PLXNA2: variants seen among roughly 807,000 people sequenced by gnomAD.
The protein encoded by PLXNA2 is plexin-A2.
A neutral mutation model predicts 193.5 loss-of-function variants in PLXNA2; 91 were observed. The ratio of observed to expected loss-of-function variants is 0.47; its 90% CI spans 0.40 to 0.56. The LOEUF (loss-of-function observed/expected upper bound fraction) is 0.56, where lower values mean the gene tolerates loss of function less well. Ranked by LOEUF, PLXNA2 falls within the 20% of genes least tolerant of loss-of-function variation. PLXNA2 has a pLI of 0.00. For synonymous variants in PLXNA2, 997 were observed against 1,027.3 expected (o/e 0.97, Z 0.56); for missense variants, 1,995 against 2,503.2 (o/e 0.80, Z 4.33).
At chr1:208,116,777 T>G (rs374849108) in intron 4 of PLXNA2, among the ~76,000 whole-genome samples, 8 of 152,304 alleles carry the variant, frequency 5.3e-5, no homozygotes, top group African/African-American at 1.9e-4. Flanking sequence ...TAAGGTAAAG[T>G]GCAGACTGCC....
intron 3 of PLXNA2, among the ~76,000 whole-genome samples, chr1:208,186,495 C>T (rs1299289840): frequency 6.6e-6 from 1 of 152,144 alleles, no homozygotes; most frequent in African/African-American, 2.4e-5. Flanking sequence ...TGTATTCTCT[C>T]TTTTTAAAGT....
rs189487684 is a variant in PLXNA2, at chr1:208,073,932, T to C, written c.2586+5328A>G. ...TGGAACAGATTCCCCCTCACAGCGC[T>C]CAGAAGGAACCCACGCTGCTGACAC... On this transcript the variant is annotated intron_variant, in intron 12 of 31. Coordinates refer to ENST00000367033, the MANE Select transcript of PLXNA2 (RefSeq NM_025179.4). Among the ~76,000 whole-genome samples, 481 of 152,180 alleles carry C rather than the reference T, an allele frequency of 3.2e-3. 11 individuals are homozygous for C. Among genetic ancestry groups the C allele is most frequent in the Admixed American group, 0.025 (382 of 15,288 alleles).
chr1:208,178,346 G>T (rs1333710260), intron 3 of PLXNA2, among the ~76,000 whole-genome samples: 2 of 152,220 alleles, frequency 1.3e-5, no homozygotes, highest in Non-Finnish European at 2.9e-5. Flanking sequence ...TTTCTGCTGA[G>T]CCTGAAGCTC....
At chr1:208,186,521 G>A (rs1468010676) in intron 3 of PLXNA2, among the ~76,000 whole-genome samples, 1 of 152,092 alleles carries the variant, frequency 6.6e-6, no homozygotes, top group East Asian at 1.9e-4. Context: ...TGTTATCTTT[G>A]CAACAGAGAA....
intron 17 of PLXNA2, among the ~76,000 whole-genome samples, chr1:208,049,870 T>C (rs1372400645): frequency 6.6e-6 from 1 of 152,156 alleles, no homozygotes; most frequent in Non-Finnish European, 1.5e-5. Context: ...ATCTTCTCCA[T>C]CTCCATCTTA....
intron 3 of PLXNA2, chr1:208,209,947 A>G (rs1227850888): frequency 1.4e-5 from 3 of 215,132 alleles, no homozygotes; most frequent in Non-Finnish European, 2.7e-5. Context: ...CACATAATCA[A>G]AAACTTAGTT....
rs1258910214 is a variant in PLXNA2 at position 208,217,664 on chromosome 1, G to T, written c.259C>A (p.Pro87Thr). ...TAACAAGACTTGTTGTCCTCTTCTG[G>T]CCCTGTCTTATGAGCCACCTGGATG... ...LTIQVAHKTG[P>T]EEDNKSCYPP... The change falls in exon 2 of 32, where the codon CCA (proline) becomes ACA (threonine). Residue 87 changes from proline to threonine, a missense_variant. Physicochemically the swap from Pro to Thr is conservative, Grantham distance 38 (BLOSUM62 -1). Transcript: ENST00000367033. This position sits in a 1 kb window ranked among gnomAD's most constrained non-coding sequence, Gnocchi z 4.7. The T allele has an allele frequency of 1.2e-6, 2 of 1,614,158 alleles. No individual in the cohort carries two copies. Among genetic ancestry groups the T allele is most frequent in the Non-Finnish European group, 1.7e-6 (2 of 1,180,018 alleles).
At chr1:208,162,237 G>A (rs1669153696) in intron 3 of PLXNA2, among the ~76,000 whole-genome samples, 1 of 152,236 alleles carries the variant, frequency 6.6e-6, no homozygotes, top group African/African-American at 2.4e-5. Context: ...AGGGTGATTG[G>A]AAAATGTGAC....
intron 4 of PLXNA2, among the ~76,000 whole-genome samples, chr1:208,123,466 G>A (rs139170492): frequency 2.6e-5 from 4 of 152,132 alleles, no homozygotes; most frequent in African/African-American, 9.7e-5. Context: ...ATGTTTTCGA[G>A]TGTGGGCCTT....
Position 208,039,478 on chromosome 1 carries a change from CA to C in PLXNA2, c.4500+142del, listed in dbSNP as rs1397680053. The C allele has an allele frequency of 6.2e-5, 70 of 1,126,410 alleles. No homozygotes were observed. The South Asian group carries it at 1.0e-3, about 17-fold the overall frequency. The allele number at this position is 1,126,410 out of a possible 1,614,324, so 69.8% of individuals were successfully genotyped here. On this transcript the variant is annotated intron_variant, in intron 24 of 31. Transcript: ENST00000367033. ...CGGGCCTGCCACCTTGCTCTTGGTA[CA>C]CTTAGTTGTCCTTTGGGCTCACCCC...
intron 3 of PLXNA2, among the ~76,000 whole-genome samples, chr1:208,196,455 G>C (rs922752999): frequency 1.3e-5 from 2 of 152,228 alleles, no homozygotes; most frequent in African/African-American, 4.8e-5. Flanking sequence ...AATGTACAGT[G>C]TATTTGTGGG....
At chr1:208,183,271 G>A (rs544280601) in intron 3 of PLXNA2, among the ~76,000 whole-genome samples, 38 of 152,352 alleles carry the variant, frequency 2.5e-4, no homozygotes, top group African/African-American at 8.7e-4. Flanking sequence ...CCTGAATCCG[G>A]AGGGAGGGCA....
intron 26 of PLXNA2, among the ~76,000 whole-genome samples, chr1:208,036,171 C>T (rs943206254): frequency 2.0e-5 from 3 of 152,198 alleles, no homozygotes; most frequent in East Asian, 3.8e-4. Flanking sequence ...TCTCTACCTC[C>T]GTCTTTCAGG....
chr1:208,084,534 C>A lies in PLXNA2; in HGVS notation c.2144G>T (p.Gly715Val). 1 of 1,614,258 alleles carries A rather than the reference C, an allele frequency of 6.2e-7. No individual in the cohort carries two copies. Among genetic ancestry groups the A allele is most frequent in the Non-Finnish European group, 8.5e-7 (1 of 1,180,040 alleles). The stretch of plus-strand genomic sequence containing the variant: ...CTTAAGGGTGATTGGCTTTACCTCC[C>A]CGACTGGAATCAAGATCTCCTCTGT... Reference protein sequence around the residue: ...VPTEEILIPVGEVKPITLKAR... With the variant: ...VPTEEILIPVVEVKPITLKAR... The change falls in exon 10 of 32, where the codon GGG (glycine) becomes GTG (valine). Residue 715 changes from glycine (G) to valine (V), a missense_variant. Around this residue, in one of 3 missense-constraint regions of PLXNA2, gnomAD observed 1,291 missense variants for 1,673.6 expected, o/e 0.77. Coordinates refer to ENST00000367033, the MANE Select transcript of PLXNA2 (RefSeq NM_025179.4).
At chr1:208,058,394 C>T (rs1665510344) in intron 13 of PLXNA2, among the ~76,000 whole-genome samples, 1 of 152,224 alleles carries the variant, frequency 6.6e-6, no homozygotes, top group Non-Finnish European at 1.5e-5. Flanking sequence ...GATGGCGCAG[C>T]ACAAGCATAT....
chr1:208,049,369 C>T (rs1352364031), intron 17 of PLXNA2, among the ~76,000 whole-genome samples: 1 of 151,684 alleles, frequency 6.6e-6, no homozygotes, highest in Non-Finnish European at 1.5e-5. Context: ...CATACCTCAC[C>T]CTAGACTCTG....
rs570223049 is a variant in PLXNA2 at position 208,036,848 on chromosome 1, G to A, written c.4764+1523C>T. Among the ~76,000 whole-genome samples the A allele has an allele frequency of 7.2e-5, 11 of 152,330 alleles. No homozygotes were observed. In the East Asian group the frequency reaches 1.2e-3, roughly 16 times the overall value. ...TAGTCCCTTCTTCTGATTGGGAGCC[G>A]TAGGCTGGAAAGCCCAGTAACAAGC... On this transcript the variant is annotated intron_variant, in intron 26 of 31. Transcript: ENST00000367033.
chr1:208,063,538 G>C (rs553426244), intron 12 of PLXNA2, among the ~76,000 whole-genome samples: 1 of 152,224 alleles, frequency 6.6e-6, no homozygotes, highest in African/African-American at 2.4e-5. Flanking sequence ...AGCAGCTGGG[G>C]GAATCCAAGC....
chr1:208,070,487 T>A (rs1187139066), intron 12 of PLXNA2, among the ~76,000 whole-genome samples: 1 of 151,892 alleles, frequency 6.6e-6, no homozygotes, highest in Non-Finnish European at 1.5e-5. Context: ...TTCTTCCCAT[T>A]TCTGCAGCAG....
Sources: allele counts gnomAD v4.1 joint callset (sites outside exome capture counted in the v4.1 genomes callset), GRCh38; gene constraint gnomAD v4.1.1; regional missense constraint gnomAD v4.1.1; non-coding constraint Gnocchi (gnomAD v3.1); transcripts MANE v1.5; gene names NCBI Gene and HGNC (gene_info 2026-07-23, HGNC 2026-07-21).